Variants in PIK3R3 observed in about 807,000 individuals in gnomAD.
The protein encoded by PIK3R3 is phosphatidylinositol 3-kinase regulatory subunit gamma.
A neutral mutation model predicts 62.9 loss-of-function variants in PIK3R3; 64 were observed. The ratio of observed to expected loss-of-function variants is 1.02; its 90% CI spans 0.83 to 1.25. The LOEUF (loss-of-function observed/expected upper bound fraction) is 1.25. Among genes scored for constraint, PIK3R3 ranks in the 50% most tolerant of loss-of-function variants. PIK3R3 has a pLI of 0.00. For synonymous variants in PIK3R3, 165 were observed against 189.0 expected, an observed-to-expected ratio of 0.87 and a Z score of 1.04; for missense variants, 614 against 561.6, an observed-to-expected ratio of 1.09 and a Z score of -0.94.
chr1:46,080,808 C>A (rs146325444), intron 1 of PIK3R3, 58 bp from the exon 2 acceptor site: 1 of 1,171,426 alleles, frequency 8.5e-7, no homozygotes. Context: ...TTTCTAATTT[C>A]CTCAGGAGCA....
chr1:46,133,361 G>A (rs1007553281), upstream of PIK3R3, among the ~76,000 whole-genome samples: 1 of 152,218 alleles, frequency 6.6e-6, no homozygotes, highest in African/African-American at 2.4e-5. Flanking sequence ...GAGCCAGGGA[G>A]GACCTGCTGG....
At chr1:46,075,925 G>A (rs1419766057) in intron 3 of PIK3R3, among the ~76,000 whole-genome samples, 4 of 152,212 alleles carry the variant, frequency 2.6e-5, no homozygotes, top group Non-Finnish European at 5.9e-5. Flanking sequence ...AGGAGGATTG[G>A]TATAAGTCCT....
intron 3 of PIK3R3, among the ~76,000 whole-genome samples, chr1:46,071,971 A>G (rs1649581797): frequency 6.6e-6 from 1 of 151,934 alleles, no homozygotes; most frequent in Non-Finnish European, 1.5e-5. Flanking sequence ...GAAAGCAGCT[A>G]TAAAATCTCA....
chr1:46,132,639 C>G (rs1383487656), upstream of PIK3R3: 1 of 1,289,656 alleles, frequency 7.8e-7, no homozygotes, highest in Non-Finnish European at 1.0e-6. Context: ...CGGACTCCAG[C>G]CACTAGAGTT....
At chr1:46,167,377 G>A in the PIK3R3 span, among the ~76,000 whole-genome samples, 2 of 152,224 alleles carry the variant, frequency 1.3e-5, no homozygotes, top group African/African-American at 2.4e-5. Context: ...CTACTGCAAG[G>A]AGGGGGTGTG....
intron 1 of PIK3R3, among the ~76,000 whole-genome samples, chr1:46,092,266 T>C (rs184149526): frequency 3.9e-5 from 6 of 152,342 alleles, no homozygotes; most frequent in East Asian, 1.9e-4. Context: ...TGGGCAACTA[T>C]GTTTTTTTAA....
At chr1:46,079,221 A>T (rs917872069) in intron 2 of PIK3R3, among the ~76,000 whole-genome samples, 2 of 152,216 alleles carry the variant, frequency 1.3e-5, no homozygotes, top group African/African-American at 4.8e-5. Flanking sequence ...ACAGAAATGG[A>T]TAGGGCTTTA....
intron 1 of PIK3R3, among the ~76,000 whole-genome samples, chr1:46,083,516 A>G (rs1768800): frequency 0.67 from 102,430 of 152,054 alleles, 34,757 homozygotes; most frequent in Non-Finnish European, 0.71. Context: ...TTTTGTAAAT[A>G]TTTGTAAATG....
chr1:46,105,248 A>C, intron 1 of PIK3R3: 1 of 352,764 alleles, frequency 2.8e-6, no homozygotes. Flanking sequence ...TCACACCTGT[A>C]ATCCCAGAAC....
chr1:46,046,514 C>T (rs548590390), intron 8 of PIK3R3, 37 bp downstream of exon 8: 2 of 1,374,698 alleles, frequency 1.5e-6, no homozygotes, highest in African/African-American at 1.4e-5. Flanking sequence ...ATATTGATAA[C>T]AAAGCCCTCT....
chr1:46,144,949 C>A, the PIK3R3 span, among the ~76,000 whole-genome samples: 2 of 151,582 alleles, frequency 1.3e-5, no homozygotes, highest in Non-Finnish European at 2.9e-5. Context: ...CATGGAGAAA[C>A]CCCATCTCTA....
intron 2 of PIK3R3, among the ~76,000 whole-genome samples, chr1:46,078,257 G>A (rs1329692027): frequency 6.6e-6 from 1 of 152,108 alleles, no homozygotes; most frequent in Non-Finnish European, 1.5e-5. Flanking sequence ...AAATAAAATG[G>A]CTGGGTGCAG....
Position 46,095,013 on chromosome 1 carries a change from A to G in PIK3R3, c.107-14263T>C, listed in dbSNP as rs140138929. 2.8e-3 allele frequency among the ~76,000 whole-genome samples: 421 copies of G among 152,318 alleles called. 1 individual carries two copies. Among genetic ancestry groups the G allele is most frequent in the Non-Finnish European group, 4.5e-3 (305 of 68,026 alleles). ...TACTACTATTTCTCTCTGAAAATAC[A>G]TTTTTTAAAAACTGTTTCACAATCA... On this transcript the variant is annotated intron_variant, in intron 1 of 9. Transcript: ENST00000262741.
chr1:46,165,855 T>C, the PIK3R3 span, among the ~76,000 whole-genome samples: 1 of 130,568 alleles, frequency 7.7e-6, no homozygotes, highest in Non-Finnish European at 1.6e-5. Flanking sequence ...CACTGTAAGC[T>C]CCGCCTCCTG....
At chr1:46,129,401 T>TTTTTTTTAGTTATTTATTTA (rs375178162) in intron 1 of PIK3R3, among the ~76,000 whole-genome samples, 13 of 131,670 alleles carry the variant, frequency 9.9e-5, no homozygotes, top group South Asian at 2.4e-4. Flanking sequence ...AATTGGGGGA[T>TTTTTTTTAGTTATTTATTTA]TTTATTTATT....
upstream of PIK3R3, among the ~76,000 whole-genome samples, chr1:46,134,855 C>CTTTGAGAGA (rs1655872726): frequency 6.6e-6 from 1 of 152,182 alleles, no homozygotes; most frequent in Admixed American, 6.5e-5. Context: ...ACAGCTAAGG[C>CTTTGAGAGA]TTTGAGAGAT....
At chr1:46,111,718 C>CT (rs1369971762) in intron 1 of PIK3R3, among the ~76,000 whole-genome samples, 2 of 148,192 alleles carry the variant, frequency 1.3e-5, no homozygotes, top group Non-Finnish European at 1.5e-5. Context: ...GAGCCAGACT[C>CT]TGTCTCAAAA....
chr1:46,065,335 C>T (rs1648890801), intron 5 of PIK3R3, among the ~76,000 whole-genome samples: 2 of 152,182 alleles, frequency 1.3e-5, no homozygotes, highest in Admixed American at 1.3e-4. Context: ...CAGAATTTTG[C>T]TCTATATCAT....
At chr1:46,067,918 A>G (rs928794963) in intron 3 of PIK3R3, among the ~76,000 whole-genome samples, 2 of 152,252 alleles carry the variant, frequency 1.3e-5, no homozygotes, top group African/African-American at 2.4e-5. Flanking sequence ...TGCAAGTCCC[A>G]TAAGGCATAA....
Sources: gnomAD v4.1 joint callset for allele counts (sites outside exome capture counted in the v4.1 genomes callset) on GRCh38, gnomAD v4.1.1 for gene constraint, MANE v1.5 for transcripts, NCBI Gene and HGNC (gene_info 2026-07-23, HGNC 2026-07-21) for gene names.